Variants in POR observed in about 807,000 individuals in gnomAD.
The protein encoded by POR is cytochrome p450 oxidoreductase.
Under a neutral mutation model 84.0 loss-of-function variants are expected in POR, and 56 were observed. That is an observed-to-expected ratio of 0.67 (90% confidence interval 0.54 to 0.83). POR has a LOEUF of 0.83. Ranked by LOEUF, POR falls within the 40% of genes least tolerant of loss-of-function variation. The pLI is 0.00. For synonymous variants in POR, 414 were observed against 400.5 expected (o/e 1.03, Z -0.40); for missense variants, 938 against 944.3 (o/e 0.99, Z 0.09).
chr7:75,963,276 G>T (rs560691107), intron 2 of POR, among the ~76,000 whole-genome samples: 37 of 152,332 alleles, frequency 2.4e-4, no homozygotes, highest in African/African-American at 7.9e-4. Context: ...CTGTGGCCAC[G>T]AGAGTAGACG....
chr7:75,970,128 C>A (rs1212822502), intron 2 of POR, among the ~76,000 whole-genome samples: 2 of 152,038 alleles, frequency 1.3e-5, no homozygotes, highest in African/African-American at 2.4e-5. Flanking sequence ...GGGGCCGGGC[C>A]ACTGCGGGAG....
intron 2 of POR, chr7:75,968,255 G>A (rs1025967984): frequency 2.1e-5 from 10 of 467,638 alleles, no homozygotes; most frequent in East Asian, 6.9e-5. Context: ...CTGAAGATGC[G>A]GCTGCCTGGA....
In POR at chr7:75,986,147, C is replaced by T. The variant is rs782634452; in HGVS notation, c.1816-12C>T. The T allele has an allele frequency of 1.9e-6, 3 of 1,606,242 alleles. No homozygotes were observed. The Admixed American group carries it at 5.1e-5, about 27-fold the overall frequency. On this transcript the variant is annotated splice_polypyrimidine_tract_variant and intron_variant, in intron 14 of 15. Coordinates refer to ENST00000461988, the MANE Select transcript of POR (RefSeq NM_000941.3). ...CACAGTGCCCCCCTCACAGCACCAC[C>T]CTTGGCCCCAGGTCTACGTCCAGCA...
intron 3 of POR, among the ~76,000 whole-genome samples, chr7:75,974,746 C>T (rs994895175): frequency 2.0e-5 from 3 of 151,996 alleles, no homozygotes; most frequent in Non-Finnish European, 2.9e-5. Context: ...AGGCTGGTCT[C>T]GAACTCCTGA....
intron 1 of POR, among the ~76,000 whole-genome samples, chr7:75,932,875 G>A (rs962022886): frequency 5.3e-5 from 8 of 151,886 alleles, no homozygotes; most frequent in Non-Finnish European, 7.4e-5. Flanking sequence ...AAGATTAGCC[G>A]AGCATGGTGG....
intron 1 of POR, among the ~76,000 whole-genome samples, chr7:75,917,517 G>A (rs1462730898): frequency 6.6e-6 from 1 of 151,770 alleles, no homozygotes; most frequent in Non-Finnish European, 1.5e-5. Context: ...CAGAGGTCAA[G>A]CTCTGGCACT....
At chr7:75,977,714 G>A (rs1788759440) in intron 3 of POR, among the ~76,000 whole-genome samples, 1 of 152,160 alleles carries the variant, frequency 6.6e-6, no homozygotes, top group African/African-American at 2.4e-5. Flanking sequence ...GGAGGCAGAG[G>A]TTGCAGTGAA....
At chr7:75,921,265 CTTT>C (rs55776717) in intron 1 of POR, 224 of 112,976 alleles carry the variant, frequency 2.0e-3, no homozygotes, top group African/African-American at 4.7e-3. Flanking sequence ...AGTTTTTAGT[CTTT>C]TTTTTTTTTT....
At chr7:75,939,262 C>T (rs1320431569) in intron 1 of POR, among the ~76,000 whole-genome samples, 4 of 152,228 alleles carry the variant, frequency 2.6e-5, no homozygotes, top group African/African-American at 7.2e-5. Flanking sequence ...AGAGGCTTTC[C>T]AGACTGTAAG....
Position 75,985,854 on chromosome 7 carries a change from G to A in POR, c.1669+5G>A. The A allele has an allele frequency of 6.4e-7, 1 of 1,551,124 alleles. No individual in the cohort carries two copies. The highest frequency in any genetic ancestry group is 8.7e-7 in the Non-Finnish European group (1 of 1,144,972). ...GGGCCTGGCTGCGACAGCAGGGTGA[G>A]TGGGGTCCCATGGGGGAGAGGGGGT... On this transcript the variant is annotated splice_donor_5th_base_variant and intron_variant, in intron 13 of 15. Transcript: ENST00000461988.
chr7:75,922,750 G>A (rs1211079086), intron 1 of POR: 8 of 431,054 alleles, frequency 1.9e-5, no homozygotes, highest in African/African-American at 1.7e-4. Context: ...TGCAACACTA[G>A]AAAGATGGCA....
chr7:75,917,380 C>CTTTTTTTTTTT lies in POR; in HGVS notation c.-5+2203_-5+2204insTTTTTTTTTTT, dbSNP rs199962786. ...ACCGTTCCTGGCTTTCTTATTTCTTCTTCTTTTTTTTTTTTTTTTTTCTGA... is the reference window on the plus strand; with the variant it reads ...ACCGTTCCTGGCTTTCTTATTTCTTCTTTTTTTTTTTTTCTTTTTTTTTTTTTTTTTTCTGA... On this transcript the variant is annotated intron_variant, in intron 1 of 15. Transcript: ENST00000461988. Among the ~76,000 whole-genome samples, 6 of 125,982 alleles carry CTTTTTTTTTTT rather than the reference C, an allele frequency of 4.8e-5. 1 individual carries two copies. Among genetic ancestry groups the CTTTTTTTTTTT allele is most frequent in the East Asian group, 2.1e-4 (1 of 4,858 alleles). The allele number at this position is 125,982 out of a possible 152,430, so 82.6% of individuals were successfully genotyped here.
intron 2 of POR, among the ~76,000 whole-genome samples, chr7:75,967,473 C>T (rs1788236952): frequency 1.3e-5 from 2 of 152,058 alleles, no homozygotes; most frequent in Admixed American, 6.5e-5. Context: ...TCTGTTTGCC[C>T]GCAATTCTTT....
chr7:75,978,189 G>A (rs1488518804), intron 3 of POR, among the ~76,000 whole-genome samples: 1 of 152,156 alleles, frequency 6.6e-6, no homozygotes, highest in East Asian at 1.9e-4. Flanking sequence ...AAATACATAT[G>A]TATGTTTTGA....
intron 1 of POR, among the ~76,000 whole-genome samples, chr7:75,950,040 T>A (rs1486450051): frequency 6.7e-6 from 1 of 148,970 alleles, no homozygotes; most frequent in Non-Finnish European, 1.5e-5. Flanking sequence ...TTTCTTGTAT[T>A]TTTTTTTTTT....
intron 1 of POR, chr7:75,944,049 G>C: frequency 3.6e-6 from 1 of 279,822 alleles, no homozygotes; most frequent in South Asian, 3.1e-5. Context: ...GTGTGAGTCA[G>C]GACTTCATCA....
chr7:75,939,407 G>A (rs1242030125), intron 1 of POR, among the ~76,000 whole-genome samples: 2 of 152,180 alleles, frequency 1.3e-5, no homozygotes, highest in Non-Finnish European at 2.9e-5. Context: ...TAGCCACACA[G>A]AGCCGTGGCC....
chr7:75,963,396 C>T (rs114183735), intron 2 of POR, among the ~76,000 whole-genome samples: 2 of 152,320 alleles, frequency 1.3e-5, no homozygotes, highest in Admixed American at 6.5e-5. Context: ...GCCATCTGAC[C>T]TCCAAAGGGA....
At chr7:75,975,292 A>G (rs1304165317) in intron 3 of POR, among the ~76,000 whole-genome samples, 1 of 152,136 alleles carries the variant, frequency 6.6e-6, no homozygotes, top group Non-Finnish European at 1.5e-5. Context: ...TCTAAACACC[A>G]TGTATTAGAG....
Sources: gnomAD v4.1 joint callset for allele counts (sites outside exome capture counted in the v4.1 genomes callset) on GRCh38, gnomAD v4.1.1 for gene constraint, MANE v1.5 for transcripts, NCBI Gene and HGNC (gene_info 2026-07-23, HGNC 2026-07-21) for gene names.